Variants in ARHGAP22 observed in about 807,000 individuals in gnomAD.
ARHGAP22 encodes the protein Rho GTPase activating protein 22.
A neutral mutation model predicts 59.1 loss-of-function variants in ARHGAP22; 48 were observed. The observed-to-expected ratio is 0.81, with a 90% CI of 0.64 to 1.03. ARHGAP22 has a LOEUF of 1.03. Among genes scored for constraint, ARHGAP22 ranks in the 50% least tolerant of loss-of-function variants. The pLI, the probability that ARHGAP22 is intolerant of heterozygous loss-of-function variation, is 0.00. For synonymous variants in ARHGAP22, 445 were observed against 416.4 expected, an observed-to-expected ratio of 1.07 and a Z score of -0.84; for missense variants, 1,015 against 958.7, an observed-to-expected ratio of 1.06 and a Z score of -0.78.
intron 1 of ARHGAP22, among the ~76,000 whole-genome samples, chr10:48,629,176 C>T (rs1164156388): frequency 1.3e-5 from 2 of 152,206 alleles, no homozygotes; most frequent in Non-Finnish European, 2.9e-5. Flanking sequence ...CAGCCACCAC[C>T]AATGGCTGGT....
At chr10:48,469,065 C>A (rs563757820) in intron 4 of ARHGAP22, among the ~76,000 whole-genome samples, 2 of 152,350 alleles carry the variant, frequency 1.3e-5, no homozygotes, top group African/African-American at 4.8e-5. Context: ...AGGCTTCTCT[C>A]AGGTGGGCAG....
chr10:48,446,419 C>T lies in ARHGAP22; in HGVS notation c.2069G>A (p.Gly690Glu), dbSNP rs139222347. ...FFSTLGSLTV[G>E]AKGARAPK is the part of the protein sequence containing the mutation. ...CTTTGGGGCCCTGGCACCTTTTGCCCCAACAGTCAAGCTTCCTAGGGTCGA... is the reference window on the plus strand; with the variant it reads ...CTTTGGGGCCCTGGCACCTTTTGCCTCAACAGTCAAGCTTCCTAGGGTCGA... Residue 690 changes from glycine (G) to glutamate (E), a missense_variant, in exon 10 of 10, where the codon GGG becomes GAG. Gly to Glu is a moderately conservative substitution (Grantham distance 98). Transcript: ENST00000249601. 908 of 1,614,118 alleles carry T rather than the reference C, an allele frequency of 5.6e-4. 3 individuals are homozygous for T. Among genetic ancestry groups the T allele is most frequent in the South Asian group, 8.9e-4 (81 of 91,070 alleles).
intron 1 of ARHGAP22, among the ~76,000 whole-genome samples, chr10:48,614,530 G>T (rs142109783): frequency 6.6e-6 from 1 of 152,142 alleles, no homozygotes; most frequent in Non-Finnish European, 1.5e-5. Context: ...TGAGGAAAAT[G>T]GTGTCAGTTA....
At chr10:48,539,315 G>A (rs1162198422) in intron 3 of ARHGAP22, among the ~76,000 whole-genome samples, 2 of 57,208 alleles carry the variant, frequency 3.5e-5, no homozygotes, top group Admixed American at 1.5e-4. Context: ...TTTTTGAGAC[G>A]GAGTCTCGCT....
chr10:48,602,562 G>A (rs1350260576), intron 1 of ARHGAP22, among the ~76,000 whole-genome samples: 4 of 152,078 alleles, frequency 2.6e-5, no homozygotes, highest in African/African-American at 7.2e-5. Context: ...CCTAAGTACC[G>A]GGCCAGCTTG....
Position 48,584,886 on chromosome 10 carries a change from C to T in ARHGAP22, c.35-1734G>A, listed in dbSNP as rs367611723. ...GCAGGAGCCTGTAGTCCCAGCTACT[C>T]GGGAGGCTGAGGCAGGAGAATGGCC... On this transcript the variant is annotated intron_variant, in intron 1 of 9. Coordinates refer to ENST00000249601, the MANE Select transcript of ARHGAP22 (RefSeq NM_021226.4). Among the ~76,000 whole-genome samples the T allele has an allele frequency of 2.2e-3, 335 of 151,484 alleles. 3 individuals carry two copies. The highest frequency in any genetic ancestry group is 7.9e-3 in the African/African-American group (325 of 41,304).
intron 5 of ARHGAP22, among the ~76,000 whole-genome samples, chr10:48,457,300 C>A (rs1007375489): frequency 6.6e-6 from 1 of 152,186 alleles, no homozygotes; most frequent in African/African-American, 2.4e-5. Flanking sequence ...GCCCCCCAGC[C>A]GGGCCGCCTG....
chr10:48,532,022 G>T (rs2054898253), intron 3 of ARHGAP22, among the ~76,000 whole-genome samples: 1 of 152,222 alleles, frequency 6.6e-6, no homozygotes, highest in Admixed American at 6.5e-5. Context: ...AGGGCGTGAT[G>T]TAGACACTTT....
chr10:48,440,086 G>A, the ARHGAP22 span, among the ~76,000 whole-genome samples: 3 of 151,662 alleles, frequency 2.0e-5, 1 homozygote, highest in Admixed American at 2.0e-4. Context: ...TTCACCAGTT[G>A]TAAAGTGGAA....
chr10:48,442,920 T>C (rs942463763), downstream of ARHGAP22, among the ~76,000 whole-genome samples: 1 of 152,134 alleles, frequency 6.6e-6, no homozygotes, highest in Non-Finnish European at 1.5e-5. Context: ...CCAGATAGCA[T>C]AGAGATTTAG....
chr10:48,592,221 A>G (rs1004667316), intron 1 of ARHGAP22, among the ~76,000 whole-genome samples: 3 of 152,070 alleles, frequency 2.0e-5, no homozygotes, highest in African/African-American at 7.2e-5. Flanking sequence ...TCTCACCACT[A>G]CATTGCCTAG....
At chr10:48,652,231 T>A (rs2062598130) in intron 1 of ARHGAP22, 1 of 1,535,304 alleles carries the variant, frequency 6.5e-7, no homozygotes, top group African/African-American at 1.4e-5. Context: ...AAAAAATTCT[T>A]ACTGAAATAT....
chr10:48,518,979 G>A (rs921498931), intron 3 of ARHGAP22, among the ~76,000 whole-genome samples: 3 of 152,230 alleles, frequency 2.0e-5, no homozygotes, highest in African/African-American at 7.2e-5. Context: ...TCCAATGGAG[G>A]TGTCCAGGGG....
intron 1 of ARHGAP22, among the ~76,000 whole-genome samples, chr10:48,616,908 A>T (rs2061101868): frequency 6.6e-6 from 1 of 152,122 alleles, no homozygotes; most frequent in South Asian, 2.1e-4. Context: ...ATAGTACTTA[A>T]GATGACCATA....
intron 1 of ARHGAP22, among the ~76,000 whole-genome samples, chr10:48,588,913 C>G (rs1439699024): frequency 6.6e-6 from 1 of 152,092 alleles, no homozygotes; most frequent in East Asian, 1.9e-4. Flanking sequence ...GGAGGGAGGC[C>G]CCAGGCCAGG....
intron 1 of ARHGAP22, among the ~76,000 whole-genome samples, chr10:48,601,332 T>C (rs1405229759): frequency 6.6e-6 from 1 of 152,224 alleles, no homozygotes; most frequent in Non-Finnish European, 1.5e-5. Flanking sequence ...ACCTCTGGGC[T>C]GTGATTCCCT....
rs772482167 is a variant in ARHGAP22 at position 48,475,193 on chromosome 10, G to A, written c.451+4443C>T. ...CTTTCATCCTCTGGTTGATCTATCA[G>A]CAGCACTTGGCTGCAGTTGATCACT... On this transcript the variant is annotated intron_variant, in intron 4 of 9. Transcript: ENST00000249601. Among the ~76,000 whole-genome samples the A allele has an allele frequency of 2.0e-5, 3 of 152,274 alleles. 1 individual carries two copies. Among genetic ancestry groups the A allele is most frequent in the Middle Eastern group, 6.8e-3 (2 of 294 alleles).
intron 1 of ARHGAP22, among the ~76,000 whole-genome samples, chr10:48,610,859 A>C (rs2060856668): frequency 6.6e-6 from 1 of 152,112 alleles, no homozygotes; most frequent in African/African-American, 2.4e-5. Flanking sequence ...GCTAAGAGTC[A>C]CCCTAAAAGA....
intron 3 of ARHGAP22, among the ~76,000 whole-genome samples, chr10:48,503,872 T>C (rs2051795818): frequency 1.3e-5 from 2 of 152,246 alleles, no homozygotes; most frequent in African/African-American, 4.8e-5. Context: ...CTCCGAGCAA[T>C]GTGGCCTAAT....
Sources: gnomAD v4.1 joint callset for allele counts (sites outside exome capture counted in the v4.1 genomes callset) on GRCh38, gnomAD v4.1.1 for gene constraint, MANE v1.5 for transcripts, NCBI Gene and HGNC (gene_info 2026-07-23, HGNC 2026-07-21) for gene names.